The following HMCN2 variants were observed in gnomAD, a reference collection of about 807,000 sequenced individuals.
The protein encoded by HMCN2 is hemicentin 2.
In HMCN2, 325 loss-of-function variants were observed where a neutral mutation model predicts 377.5. The observed-to-expected ratio is 0.86, with a 90% CI of 0.79 to 0.94. HMCN2 has a LOEUF of 0.94. HMCN2 is among the 40% of genes least tolerant of loss of function. The pLI is 0.00. For missense variants in HMCN2, 4,543 were observed against 4,725.3 expected, an observed-to-expected ratio of 0.96 and a Z score of 1.13; for synonymous variants, 2,007 against 2,046.8, an observed-to-expected ratio of 0.98 and a Z score of 0.53.
At chr9:130,275,256 C>T (rs1161522056) in intron 1 of HMCN2, among the ~76,000 whole-genome samples, 7 of 152,124 alleles carry the variant, frequency 4.6e-5, no homozygotes, top group African/African-American at 1.2e-4. Context: ...GGGGCTCCTG[C>T]GGCTCCATCA....
chr9:130,339,730 G>A (rs977213598), intron 23 of HMCN2, among the ~76,000 whole-genome samples: 19 of 152,220 alleles, frequency 1.2e-4, no homozygotes, highest in South Asian at 2.1e-4. Flanking sequence ...ACAGATGGGC[G>A]GGGCATCCAC....
Position 130,396,330 on chromosome 9 carries a change from G to A in HMCN2, c.11198+17G>A, listed in dbSNP as rs1318652119. On this transcript the variant is annotated intron_variant, in intron 73 of 97. Transcript: ENST00000683500. ...GAGCCCCAGGTGGGAGAGGGAAGGG[G>A]TGGGCCTCAGGGAGGCTCTCAGGTG... 3 of 1,260,862 alleles carry A rather than the reference G, an allele frequency of 2.4e-6. No homozygotes were observed. The highest frequency in any genetic ancestry group is 1.5e-5 in the African/African-American group (1 of 65,332). 78.1% of individuals were successfully genotyped at this position (1,260,862 alleles called of 1,614,324 possible).
In HMCN2 at chr9:130,293,214, G is replaced by C. The variant is rs368103916; in HGVS notation, c.613-1641G>C. On this transcript the variant is annotated intron_variant, in intron 4 of 97. Coordinates refer to ENST00000683500, the MANE Select transcript of HMCN2 (RefSeq NM_001291815.2). ...TTTACTTATTTGCTTTATCCAACAA[G>C]ATATATAAAATGGGTTCAAAATCAC... Among the ~76,000 whole-genome samples, 19 of 139,840 alleles carry C rather than the reference G, an allele frequency of 1.4e-4. No homozygotes were observed. The East Asian group carries it at 3.8e-3, about 28-fold the overall frequency. The allele number at this position is 139,840 out of a possible 152,430, so 91.7% of individuals were successfully genotyped here.
intron 43 of HMCN2, among the ~76,000 whole-genome samples, chr9:130,366,433 G>C (rs913811063): frequency 4.1e-5 from 6 of 145,300 alleles, no homozygotes; most frequent in Non-Finnish European, 7.5e-5. Context: ...GTACAAAAAA[G>C]ATGCTCAAAA....
intron 24 of HMCN2, among the ~76,000 whole-genome samples, chr9:130,342,049 A>AAATAAATAAAT (rs1839083723): frequency 6.6e-6 from 1 of 150,486 alleles, no homozygotes; most frequent in East Asian, 1.9e-4. Context: ...ATAAATAAAT[A>AAATAAATAAAT]AATAAATAAA....
chr9:130,272,106 C>T lies in HMCN2; in HGVS notation c.259+5969C>T, dbSNP rs190189610. ...GTGGTTTCAGAATTGTTGAGTGGGA[C>T]CCCCACGGGAAACAGCTTTATTAAC... On this transcript the variant is annotated intron_variant, in intron 1 of 97. Coordinates refer to ENST00000683500, the MANE Select transcript of HMCN2 (RefSeq NM_001291815.2). Among the ~76,000 whole-genome samples the T allele has an allele frequency of 4.6e-4, 69 of 149,400 alleles. 1 individual carries two copies. The East Asian group carries it at 0.013, about 28-fold the overall frequency.
rs752299388 is a variant in HMCN2 at position 130,429,588 on chromosome 9, C to T, written c.14229C>T (p.Asp4743=). 2.4e-5 allele frequency: 37 copies of T among 1,550,458 alleles called. 1 individual carries two copies. In the South Asian group the frequency reaches 4.3e-4, roughly 18 times the overall value. Residue 4743 remains aspartate (D), a synonymous_variant, in exon 94 of 98, where the codon GAC becomes GAT. Coordinates refer to ENST00000683500, the MANE Select transcript of HMCN2 (RefSeq NM_001291815.2). The stretch of plus-strand genomic sequence containing the variant: ...ACGAATGCCTGGAGGGGTTGGACGA[C>T]TGTCACTACAACCAGCTCTGCGAGA... ...DVDECLEGLD[D]CHYNQLCENT... is the part of the protein sequence containing the mutation.
intron 15 of HMCN2, among the ~76,000 whole-genome samples, chr9:130,311,682 T>C (rs1837247526): frequency 6.6e-6 from 1 of 152,142 alleles, no homozygotes; most frequent in Non-Finnish European, 1.5e-5. Context: ...GATGACGAGC[T>C]GGGGAACAGT....
rs142596732 is a variant in HMCN2 at position 130,273,985 on chromosome 9, G to A, written c.259+7848G>A. Among the ~76,000 whole-genome samples the A allele has an allele frequency of 1.3e-4, 19 of 151,988 alleles. No individual in the cohort carries two copies. The East Asian group carries it at 3.7e-3, about 29-fold the overall frequency. On this transcript the variant is annotated intron_variant, in intron 1 of 97. Coordinates refer to ENST00000683500, the MANE Select transcript of HMCN2 (RefSeq NM_001291815.2). Reference sequence around the variant, plus strand: ...AGGGATGGGTGTTGAATTTTAGCAAGTGATTTTCTGCTTTGTTGCAATGTT... The same window carrying A: ...AGGGATGGGTGTTGAATTTTAGCAAATGATTTTCTGCTTTGTTGCAATGTT...
At chr9:130,420,094 C>T (rs1051347538) in intron 86 of HMCN2, among the ~76,000 whole-genome samples, 11 of 104,830 alleles carry the variant, frequency 1.0e-4, no homozygotes, top group Admixed American at 5.2e-4. Context: ...TTTTTTGAGA[C>T]GGAGTCTCTC....
At chr9:130,341,499 GC>G (rs1839044877) in intron 24 of HMCN2, 134 bp downstream of exon 24, 1 of 152,286 alleles carries the variant, frequency 6.6e-6, no homozygotes, top group Admixed American at 6.5e-5. Flanking sequence ...TAGAGCCCTG[GC>G]CCTTTCTGGG....
chr9:130,420,123 G>A (rs1843918963), intron 86 of HMCN2, among the ~76,000 whole-genome samples: 2 of 136,848 alleles, frequency 1.5e-5, no homozygotes, highest in South Asian at 2.4e-4. Context: ...TGCCCAGGCT[G>A]GAGTGCAGTG....
At chr9:130,339,877 T>C (rs907112829) in intron 23 of HMCN2, among the ~76,000 whole-genome samples, 12 of 152,174 alleles carry the variant, frequency 7.9e-5, no homozygotes, top group Admixed American at 4.6e-4. Context: ...TCAGTGTCCC[T>C]CGAGGGTCCA....
Position 130,349,149 on chromosome 9 carries a change from C to G in HMCN2, c.4303+18C>G, listed in dbSNP as rs1299922030. On this transcript the variant is annotated intron_variant, in intron 28 of 97. Transcript: ENST00000683500. The stretch of plus-strand genomic sequence containing the variant: ...TGTGCTCAGTGAGTGAGACCTGAGC[C>G]CTGTAACTCCCAAGTGTGTCTGGCC... 1 of 1,300,822 alleles carries G rather than the reference C, an allele frequency of 7.7e-7. No homozygotes were observed. Among genetic ancestry groups the G allele is most frequent in the Non-Finnish European group, 1.0e-6 (1 of 986,776 alleles). The allele number at this position is 1,300,822 out of a possible 1,614,324, so 80.6% of individuals were successfully genotyped here.
intron 75 of HMCN2, 114 bp downstream of exon 75, chr9:130,398,821 G>C: frequency 1.1e-6 from 1 of 922,072 alleles, no homozygotes; most frequent in African/African-American, 1.7e-5. Context: ...TCTCACCGGA[G>C]TCAGGACCAG....
chr9:130,365,676 G>T lies in HMCN2; in HGVS notation c.6454G>T (p.Ala2152Ser), dbSNP rs1473918482. The T allele has an allele frequency of 1.0e-6, 1 of 985,978 alleles. No homozygotes were observed. Among genetic ancestry groups the T allele is most frequent in the East Asian group, 1.1e-4 (1 of 8,810 alleles). 61.1% of individuals were successfully genotyped at this position (985,978 alleles called of 1,614,324 possible). The change falls in exon 42 of 98, where the codon GCA becomes TCA. Residue 2152 changes from alanine (A) to serine (S), a missense_variant. This residue lies in a region of HMCN2 where 1,032 missense variants were observed against 1,285.1 expected (regional missense o/e 0.80). Coordinates refer to ENST00000683500, the MANE Select transcript of HMCN2 (RefSeq NM_001291815.2). ...GGATGCGGGCCATTACACCTGTGAG[G>T]CACTGAACCAGGCCGGCCACTCAGA... ...VWDAGHYTCE[A>S]LNQAGHSEKH...
At chr9:130,429,383 T>G in intron 93 of HMCN2, 174 bp from the exon 94 acceptor site, 1 of 756,400 alleles carries the variant, frequency 1.3e-6, no homozygotes. Flanking sequence ...CCTGTTGACC[T>G]CCAACCTGGT....
Position 130,391,024 on chromosome 9 carries a change from C to G in HMCN2, c.9571C>G (p.Leu3191Val). 1 of 987,690 alleles carries G rather than the reference C, an allele frequency of 1.0e-6. No individual in the cohort carries two copies. Among genetic ancestry groups the G allele is most frequent in the South Asian group, 4.7e-5 (1 of 21,374 alleles). The allele number at this position is 987,690 out of a possible 1,614,324, so 61.2% of individuals were successfully genotyped here. The stretch of plus-strand genomic sequence containing the variant: ...GGTCTCCCGGGGGGGCCGCCTCCAG[C>G]TGAGCCGCCTGCAACCGGCCCAGGC... Reference protein sequence around the residue: ...GVVSRGGRLQLSRLQPAQAGT... With the variant: ...GVVSRGGRLQVSRLQPAQAGT... Residue 3191 changes from leucine to valine, a missense_variant, in exon 63 of 98, where the codon CTG (leucine) becomes GTG (valine). Around this residue, in one of 5 missense-constraint regions of HMCN2, gnomAD observed 736 missense variants for 773.2 expected, o/e 0.95. Transcript: ENST00000683500.
intron 85 of HMCN2, among the ~76,000 whole-genome samples, chr9:130,411,778 T>G (rs2131754416): frequency 6.6e-6 from 1 of 151,914 alleles, no homozygotes; most frequent in Non-Finnish European, 1.5e-5. Context: ...AGACCCAAAG[T>G]AGTATGGAGC....
Sources: allele counts gnomAD v4.1 joint callset (sites outside exome capture counted in the v4.1 genomes callset), GRCh38; gene constraint gnomAD v4.1.1; regional missense constraint gnomAD v4.1.1; transcripts MANE v1.5; gene names NCBI Gene and HGNC (gene_info 2026-07-23, HGNC 2026-07-21).